The following SPATA21 variants were observed in gnomAD, a reference collection of about 807,000 sequenced individuals.
SPATA21 encodes the protein spermatogenesis associated 21, also known as spermatogenesis-associated protein 21.
SPATA21 carries 47 observed loss-of-function variants against 54.8 expected under a neutral mutation model. That is an observed-to-expected ratio of 0.86 (90% confidence interval 0.68 to 1.09). The LOEUF is 1.09. SPATA21 is among the 50% of genes least tolerant of loss of function. The pLI, the probability that SPATA21 is intolerant of heterozygous loss-of-function variation, is 0.00. For missense variants in SPATA21, 599 were observed against 596.4 expected (o/e 1.00, Z -0.05); for synonymous variants, 245 against 235.3 (o/e 1.04, Z -0.38).
At chr1:16,429,994 A>G (rs1437093622) in intron 3 of SPATA21, among the ~76,000 whole-genome samples, 3 of 149,956 alleles carry the variant, frequency 2.0e-5, no homozygotes, top group East Asian at 2.0e-4. Context: ...GTGAAATCCC[A>G]TCTCTTCTAA....
intron 5 of SPATA21, 67 bp from the exon 6 acceptor site, chr1:16,410,110 G>T: frequency 1.5e-6 from 2 of 1,307,338 alleles, no homozygotes; most frequent in Non-Finnish European, 2.1e-6. Flanking sequence ...TCTCCTCCCT[G>T]CCATCCCCTC....
chr1:16,429,973 T>A (rs2086417007), intron 3 of SPATA21, among the ~76,000 whole-genome samples: 1 of 150,636 alleles, frequency 6.6e-6, no homozygotes, highest in Non-Finnish European at 1.5e-5. Flanking sequence ...AAGACCAGCC[T>A]GTCCAACATG....
At chr1:16,425,210 C>T (rs761906409) in intron 3 of SPATA21, 4 of 523,662 alleles carry the variant, frequency 7.6e-6, no homozygotes, top group Non-Finnish European at 1.5e-5. Context: ...CCATGCCCGG[C>T]CTGGAAACAA....
intron 3 of SPATA21, chr1:16,425,771 T>C: frequency 1.3e-6 from 2 of 1,517,880 alleles, no homozygotes; most frequent in South Asian, 2.4e-5. Flanking sequence ...GCTCCCAGAC[T>C]GGGGCACTGT....
chr1:16,423,936 C>G (rs2086244461), intron 3 of SPATA21, among the ~76,000 whole-genome samples: 1 of 151,680 alleles, frequency 6.6e-6, no homozygotes, highest in Admixed American at 6.6e-5. Context: ...CCACGAAATA[C>G]AAACAAATCT....
intron 3 of SPATA21, among the ~76,000 whole-genome samples, chr1:16,429,727 G>T (rs946718139): frequency 6.6e-6 from 1 of 150,814 alleles, no homozygotes; most frequent in African/African-American, 2.4e-5. Context: ...ACCCGCCTCG[G>T]CCTCCCAAAG....
intron 1 of SPATA21, among the ~76,000 whole-genome samples, chr1:16,436,482 C>T (rs1157500781): frequency 6.6e-6 from 1 of 151,338 alleles, no homozygotes; most frequent in Non-Finnish European, 1.5e-5. Context: ...AGAACCTACT[C>T]ATGCAGGGCA....
chr1:16,435,457 C>T (rs2086562629), intron 1 of SPATA21, among the ~76,000 whole-genome samples: 1 of 151,984 alleles, frequency 6.6e-6, no homozygotes, highest in Non-Finnish European at 1.5e-5. Flanking sequence ...GCTGGGATTA[C>T]AGGTGTGTGC....
chr1:16,433,539 CT>C (rs2086512755), intron 1 of SPATA21, among the ~76,000 whole-genome samples: 2 of 152,242 alleles, frequency 1.3e-5, no homozygotes, highest in Non-Finnish European at 2.9e-5. Flanking sequence ...AAATCTCCCC[CT>C]ACGCCCCTCA....
rs1274302691 is a variant in SPATA21 at position 16,409,860 on chromosome 1, C to T, written c.328G>A (p.Ala110Thr). 2.5e-6 allele frequency: 4 copies of T among 1,607,538 alleles called. No individual in the cohort carries two copies. The East Asian group carries it at 6.7e-5, about 27-fold the overall frequency. The change falls in exon 6 of 13, where the codon GCC becomes ACC. Residue 110 changes from alanine (A) to threonine (T), a missense_variant. By Grantham distance (58) the Ala-to-Thr change is moderately conservative. Transcript: ENST00000335496. This position sits in a 1 kb window ranked among gnomAD's most constrained non-coding sequence, Gnocchi z 4.1. ...RRASKARSQT[A>T]QKSPRTLTPV... ...GTCAGGGTCCTGGGCGACTTCTGGG[C>T]TGTCTGGGACCGGGCCTTCGAGGCT...
intron 5 of SPATA21, among the ~76,000 whole-genome samples, chr1:16,420,053 C>T (rs908282256): frequency 2.1e-4 from 32 of 151,806 alleles, no homozygotes; most frequent in African/African-American, 7.0e-4. Context: ...GGTGGAGCCC[C>T]GAGGGTGGAG....
chr1:16,435,729 T>C (rs2086570850), intron 1 of SPATA21, among the ~76,000 whole-genome samples: 2 of 151,436 alleles, frequency 1.3e-5, no homozygotes, highest in South Asian at 4.2e-4. Context: ...GATCCTCCCA[T>C]TTCAGCCTCC....
At chr1:16,405,716 C>G (rs958348369) in intron 7 of SPATA21, among the ~76,000 whole-genome samples, 1 of 152,108 alleles carries the variant, frequency 6.6e-6, no homozygotes, top group African/African-American at 2.4e-5. Flanking sequence ...CACAGTCTGA[C>G]TAGTACACGG....
Position 16,409,498 on chromosome 1 carries a change from C to A in SPATA21, c.587+103G>T, listed in dbSNP as rs545642430. 2 of 1,226,332 alleles carry A rather than the reference C, an allele frequency of 1.6e-6. No individual in the cohort carries two copies. The highest frequency in any genetic ancestry group is 2.3e-6 in the Non-Finnish European group (2 of 883,750). The allele number at this position is 1,226,332 out of a possible 1,614,324, so 76.0% of individuals were successfully genotyped here. A position where few individuals can be genotyped will look rare whatever the true frequency, so the allele number is the denominator to read the frequency against. On this transcript the variant is annotated intron_variant, in intron 6 of 12. Transcript: ENST00000335496. The surrounding 1 kb of genome is among the most constrained non-coding windows in gnomAD (Gnocchi z 4.1). ...GAGGAGAAATGGAGAGAGGGGGACA[C>A]ACGAGGGAACAGGCAGGTGCAGGGA...
chr1:16,408,057 G>A (rs1463825813), intron 7 of SPATA21, among the ~76,000 whole-genome samples: 1 of 152,192 alleles, frequency 6.6e-6, no homozygotes, highest in African/African-American at 2.4e-5. Context: ...ATGAGCCACT[G>A]TGCCCAGCCC....
intron 10 of SPATA21, among the ~76,000 whole-genome samples, chr1:16,403,066 G>C (rs571931241): frequency 6.6e-6 from 1 of 152,126 alleles, no homozygotes; most frequent in Non-Finnish European, 1.5e-5. Context: ...TTCTGCCTTC[G>C]CCTTTGCTTC....
chr1:16,425,462 G>C, intron 3 of SPATA21: 1 of 1,485,444 alleles, frequency 6.7e-7, no homozygotes, highest in South Asian at 1.2e-5. Context: ...TAGGAGGGGG[G>C]CTCTTTCACC....
At position 16,428,074 on chromosome 1, in the gene SPATA21, G is replaced by A; in HGVS notation, c.34+3264C>T. ...GCTGGCATTGAGTACCCGTTCTGGA[G>A]TGATCCCTCCCACTCCTCCCTGGGT... On this transcript the variant is annotated intron_variant, in intron 3 of 12. Transcript: ENST00000335496. The surrounding 1 kb of genome is among the most constrained non-coding windows in gnomAD (Gnocchi z 4.3). The A allele has an allele frequency of 6.6e-7, 1 of 1,513,148 alleles. No homozygotes were observed. The highest frequency in any genetic ancestry group is 8.9e-7 in the Non-Finnish European group (1 of 1,120,800). The allele number at this position is 1,513,148 out of a possible 1,614,324, so 93.7% of individuals were successfully genotyped here.
chr1:16,434,359 T>C (rs1014072026), intron 1 of SPATA21, among the ~76,000 whole-genome samples: 39 of 152,044 alleles, frequency 2.6e-4, no homozygotes, highest in Middle Eastern at 3.4e-3. Flanking sequence ...GATCGTAGCT[T>C]ACTATAGCCT....
Sources: allele counts gnomAD v4.1 joint callset (sites outside exome capture counted in the v4.1 genomes callset), GRCh38; gene constraint gnomAD v4.1.1; non-coding constraint Gnocchi (gnomAD v3.1); transcripts MANE v1.5; gene names NCBI Gene and HGNC (gene_info 2026-07-23, HGNC 2026-07-21).